The following FAM89A variants were observed in gnomAD, a reference collection of about 807,000 sequenced individuals.
FAM89A encodes family with sequence similarity 89 member A.
FAM89A carries 10 observed loss-of-function variants against 7.1 expected under a neutral mutation model. The observed-to-expected ratio is 1.40, with a 90% confidence interval of 0.86 to 2.38. The LOEUF is 2.38. FAM89A is among the 30% of genes most tolerant of loss of function. FAM89A has a pLI of 0.00. For missense variants in FAM89A, 276 were observed against 262.8 expected (o/e 1.05, Z -0.35); for synonymous variants, 157 against 129.3 (o/e 1.21, Z -1.45).
chr1:231,019,635 A>G lies in FAM89A; in HGVS notation c.*228T>C. ...ACCTCAATAAATAGGTGTGGAGGATACTGCTGAGGACCTCTAGGTCACCTA... is the reference window on the plus strand; with the variant it reads ...ACCTCAATAAATAGGTGTGGAGGATGCTGCTGAGGACCTCTAGGTCACCTA... On this transcript the variant is annotated 3_prime_UTR_variant, in exon 2 of 2. Transcript: ENST00000366654. 3 of 537,438 alleles carry G rather than the reference A, an allele frequency of 5.6e-6. No homozygotes were observed. The highest frequency in any genetic ancestry group is 2.4e-5 in the South Asian group (1 of 42,268). The allele number at this position is 537,438 out of a possible 1,614,324, so 33.3% of individuals were successfully genotyped here.
intron 1 of FAM89A, among the ~76,000 whole-genome samples, chr1:231,031,936 G>A (rs942980807): frequency 2.6e-5 from 4 of 152,136 alleles, no homozygotes; most frequent in Admixed American, 6.5e-5. Flanking sequence ...ATGAAATTGT[G>A]GGGGACAAGG....
intron 1 of FAM89A, among the ~76,000 whole-genome samples, chr1:231,027,527 A>G (rs912864872): frequency 6.6e-6 from 1 of 152,140 alleles, no homozygotes; most frequent in African/African-American, 2.4e-5. Flanking sequence ...CACCAGACTA[A>G]ACTTCCTGAT....
intron 1 of FAM89A, among the ~76,000 whole-genome samples, chr1:231,039,596 G>GCCGCCC (rs1487417409): frequency 1.3e-5 from 2 of 152,202 alleles, no homozygotes; most frequent in Admixed American, 6.5e-5. Flanking sequence ...AGGTGACAAG[G>GCCGCCC]CCGCCCCCGC....
At chr1:231,020,283 A>G (rs10864654) in intron 1 of FAM89A, among the ~76,000 whole-genome samples, 157 bp from the exon 2 acceptor site, 62,632 of 152,028 alleles carry the variant, frequency 0.41, 15,009 homozygotes, top group Admixed American at 0.53. Flanking sequence ...TCCAGTTTTG[A>G]GAACACCTTA....
intron 1 of FAM89A, among the ~76,000 whole-genome samples, chr1:231,024,520 G>GCACACACACACACACACACACACA (rs3220109): frequency 7.8e-4 from 113 of 144,536 alleles, no homozygotes; most frequent in African/African-American, 1.8e-3. Flanking sequence ...TACATTGCAT[G>GCACACACACACACACACACACACA]CACACACACA....
Position 231,040,151 on chromosome 1 carries a change from C to A in FAM89A, c.61G>T (p.Val21Leu). Residue 21 changes from valine (V) to leucine (L), a missense_variant, in exon 1 of 2, where the codon GTG becomes TTG. Val to Leu is a conservative substitution (Grantham distance 32, BLOSUM62 1). Transcript: ENST00000366654. ...TTTGGCAGCGGGGGCAGCCCGTCCA[C>A]CCGCAGCCCCCGGACCGCGCCGTTG... is the stretch of plus-strand genomic sequence containing the variant. ...AGNGAVRGLR[V>L]DGLPPLPKSL... is the part of the protein sequence containing the mutation. 1.5e-6 allele frequency: 2 copies of A among 1,302,670 alleles called. No individual in the cohort carries two copies. The allele number at this position is 1,302,670 out of a possible 1,614,324, so 80.7% of individuals were successfully genotyped here.
At chr1:231,029,859 A>G (rs1185314664) in intron 1 of FAM89A, among the ~76,000 whole-genome samples, 3 of 152,234 alleles carry the variant, frequency 2.0e-5, no homozygotes, top group Non-Finnish European at 4.4e-5. Flanking sequence ...ATCTAATCAC[A>G]GTGTCTAGTT....
intron 1 of FAM89A, among the ~76,000 whole-genome samples, chr1:231,036,224 T>A (rs1680154169): frequency 6.6e-6 from 1 of 152,200 alleles, no homozygotes; most frequent in Non-Finnish European, 1.5e-5. Context: ...ATAGAGTCTT[T>A]GGTCATGAAA....
At chr1:231,025,359 T>C (rs1457762783) in intron 1 of FAM89A, among the ~76,000 whole-genome samples, 1 of 152,180 alleles carries the variant, frequency 6.6e-6, no homozygotes, top group African/African-American at 2.4e-5. Flanking sequence ...TGCCAGCCTA[T>C]AAAATGGGGG....
At chr1:231,020,748 G>A (rs763470481) in intron 1 of FAM89A, among the ~76,000 whole-genome samples, 13 of 152,122 alleles carry the variant, frequency 8.5e-5, no homozygotes, top group Non-Finnish European at 1.9e-4. Flanking sequence ...GACTGAATAT[G>A]AGGAAGCCCT....
At chr1:231,039,580 G>C (rs1227149231) in intron 1 of FAM89A, among the ~76,000 whole-genome samples, 1 of 152,238 alleles carries the variant, frequency 6.6e-6, no homozygotes, top group Non-Finnish European at 1.5e-5. Context: ...TGTTTCACTC[G>C]GGGAGAGGTG....
At chr1:231,031,949 G>T (rs1324263661) in intron 1 of FAM89A, among the ~76,000 whole-genome samples, 1 of 152,188 alleles carries the variant, frequency 6.6e-6, no homozygotes, top group African/African-American at 2.4e-5. Context: ...GGACAAGGAG[G>T]ACAAGGAGAG....
chr1:231,026,657 C>T (rs1395876255), intron 1 of FAM89A: 1 of 152,170 alleles, frequency 6.6e-6, no homozygotes, highest in Non-Finnish European at 1.5e-5. Flanking sequence ...ATATCTCAGG[C>T]CCTTCCCCTA....
At chr1:231,028,982 G>A (rs569892678) in intron 1 of FAM89A, among the ~76,000 whole-genome samples, 34 of 152,272 alleles carry the variant, frequency 2.2e-4, no homozygotes, top group African/African-American at 7.0e-4. Context: ...CAGACAGGGC[G>A]GTGGCTCCCA....
intron 1 of FAM89A, among the ~76,000 whole-genome samples, chr1:231,033,285 G>A (rs1462590695): frequency 7.2e-5 from 11 of 152,242 alleles, no homozygotes; most frequent in South Asian, 2.1e-4. Flanking sequence ...TCGGGGGATC[G>A]CTTCCTGAGC....
At chr1:231,022,386 T>C (rs1373790785) in intron 1 of FAM89A, among the ~76,000 whole-genome samples, 1 of 152,168 alleles carries the variant, frequency 6.6e-6, no homozygotes, top group East Asian at 1.9e-4. Context: ...CCATCTCTGT[T>C]CCTCTGGGGT....
chr1:231,035,138 C>G (rs991295242), intron 1 of FAM89A, among the ~76,000 whole-genome samples: 1 of 152,186 alleles, frequency 6.6e-6, no homozygotes, highest in African/African-American at 2.4e-5. Flanking sequence ...CTGTACTCCA[C>G]TGGGGTGTCA....
chr1:231,038,011 T>C (rs1156298557), intron 1 of FAM89A, among the ~76,000 whole-genome samples: 2 of 152,190 alleles, frequency 1.3e-5, no homozygotes, highest in Non-Finnish European at 2.9e-5. Flanking sequence ...CCAGTTCTTG[T>C]TTTGCAAGGC....
In FAM89A at chr1:231,031,273, T is replaced by C. The variant is rs568250805; in HGVS notation, c.291+8648A>G. ...GAAAATCTGGCCTCATACAGCTGTATAACTGGGAAATGAAGGAGTATTTCA... is the reference window on the plus strand; with the variant it reads ...GAAAATCTGGCCTCATACAGCTGTACAACTGGGAAATGAAGGAGTATTTCA... On this transcript the variant is annotated intron_variant, in intron 1 of 1. Coordinates refer to ENST00000366654, the MANE Select transcript of FAM89A (RefSeq NM_198552.3). Among the ~76,000 whole-genome samples, 47 of 152,284 alleles carry C rather than the reference T, an allele frequency of 3.1e-4. 1 individual carries two copies. Among genetic ancestry groups the C allele is most frequent in the African/African-American group, 1.1e-3 (47 of 41,568 alleles).
Sources: allele counts gnomAD v4.1 joint callset (sites outside exome capture counted in the v4.1 genomes callset), GRCh38; gene constraint gnomAD v4.1.1; transcripts MANE v1.5; gene names NCBI Gene and HGNC (gene_info 2026-07-23, HGNC 2026-07-21).